Variants in LY86 observed in about 807,000 individuals in gnomAD.
LY86 encodes lymphocyte antigen 86.
Under a neutral mutation model 17.3 loss-of-function variants are expected in LY86, and 20 were observed. The observed-to-expected ratio is 1.15, with a 90% CI of 0.81 to 1.68. The LOEUF (loss-of-function observed/expected upper bound fraction) is 1.68. Among genes scored for constraint, LY86 ranks in the 40% most tolerant of loss-of-function variants. The probability of loss-of-function intolerance (pLI) is 0.00; values close to 1 mark genes in which losing one functional copy is unlikely to be tolerated. For missense variants in LY86, 200 were observed against 191.9 expected, an observed-to-expected ratio of 1.04 and a Z score of -0.25; for synonymous variants, 74 against 70.6, an observed-to-expected ratio of 1.05 and a Z score of -0.24.
intron 1 of LY86, among the ~76,000 whole-genome samples, chr6:6,606,477 C>CT (rs1761153248): frequency 1.3e-5 from 2 of 152,238 alleles, no homozygotes; most frequent in African/African-American, 4.8e-5. Context: ...ACCCGCACTC[C>CT]TCAGCCCTTG....
At chr6:6,611,285 A>T (rs565191898) in intron 1 of LY86, among the ~76,000 whole-genome samples, 1 of 152,210 alleles carries the variant, frequency 6.6e-6, no homozygotes, top group South Asian at 2.1e-4. Context: ...GAGTTGGTAG[A>T]AAAGAGCCTA....
At chr6:6,638,747 T>C (rs570791925) in intron 3 of LY86, among the ~76,000 whole-genome samples, 56 of 152,018 alleles carry the variant, frequency 3.7e-4, no homozygotes, top group Middle Eastern at 6.8e-3. Flanking sequence ...CATGCTGGTG[T>C]GCTGCACCCA....
intron 1 of LY86, among the ~76,000 whole-genome samples, chr6:6,603,624 A>AAC (rs1218205606): frequency 1.5e-5 from 2 of 135,840 alleles, no homozygotes; most frequent in African/African-American, 2.7e-5. Flanking sequence ...ACAAACAAAA[A>AAC]AAAACAAAAC....
intron 1 of LY86, among the ~76,000 whole-genome samples, chr6:6,617,765 T>C (rs2113130166): frequency 6.6e-6 from 1 of 152,334 alleles, no homozygotes; most frequent in East Asian, 1.9e-4. Flanking sequence ...TGTGGCGCCA[T>C]GGCACCCTCT....
intron 1 of LY86, among the ~76,000 whole-genome samples, chr6:6,590,094 G>A (rs934888007): frequency 7.2e-6 from 1 of 138,790 alleles, no homozygotes; most frequent in African/African-American, 2.8e-5. Context: ...CTCCAGCCTG[G>A]GCAAGAGGAG....
At chr6:6,642,797 C>G (rs1762058376) in intron 3 of LY86, among the ~76,000 whole-genome samples, 1 of 152,194 alleles carries the variant, frequency 6.6e-6, no homozygotes, top group Non-Finnish European at 1.5e-5. Context: ...TCGGGAAATA[C>G]CCAGAGGTAA....
rs537363781 is a variant in LY86 at position 6,630,011 on chromosome 6, T to C, written c.352+3590T>C. ...GTAGTCACTGTTGAATCCTATTGTATAAAATGTGTGTAAGTGTATACACAA... is the reference window on the plus strand; with the variant it reads ...GTAGTCACTGTTGAATCCTATTGTACAAAATGTGTGTAAGTGTATACACAA... On this transcript the variant is annotated intron_variant, in intron 3 of 4. Coordinates refer to ENST00000230568, the MANE Select transcript of LY86 (RefSeq NM_004271.4). 6.6e-5 allele frequency among the ~76,000 whole-genome samples: 10 copies of C among 152,360 alleles called. No individual in the cohort carries two copies. In the East Asian group the frequency reaches 1.4e-3, roughly 21 times the overall value.
intron 3 of LY86, among the ~76,000 whole-genome samples, chr6:6,649,085 T>C (rs903147564): frequency 6.6e-6 from 1 of 152,198 alleles, no homozygotes; most frequent in Admixed American, 6.5e-5. Flanking sequence ...TCCAGAGGGC[T>C]GGGGAGGCCT....
intron 1 of LY86, among the ~76,000 whole-genome samples, chr6:6,603,591 C>CAAAAAA (rs779324556): frequency 8.6e-5 from 2 of 23,376 alleles, no homozygotes; most frequent in African/African-American, 1.6e-4. Context: ...AAGCCAAAAA[C>CAAAAAA]AAAAACAGAA....
intron 4 of LY86, among the ~76,000 whole-genome samples, chr6:6,653,517 A>C (rs940756172): frequency 4.6e-5 from 7 of 152,080 alleles, no homozygotes; most frequent in Non-Finnish European, 1.0e-4. Context: ...GCAGCAAACA[A>C]AACCAGAATG....
chr6:6,613,788 T>C (rs1761472058), intron 1 of LY86, among the ~76,000 whole-genome samples: 1 of 152,220 alleles, frequency 6.6e-6, no homozygotes, highest in Admixed American at 6.5e-5. Context: ...GCTGCCAGCA[T>C]GCTGTCACCT....
chr6:6,606,297 A>C (rs980109633), intron 1 of LY86, among the ~76,000 whole-genome samples: 1 of 152,150 alleles, frequency 6.6e-6, no homozygotes, highest in Non-Finnish European at 1.5e-5. Context: ...CGATTGGTGC[A>C]TTCACAAACC....
At chr6:6,649,510 T>G in intron 3 of LY86, 115 bp from the exon 4 acceptor site, 1 of 646,688 alleles carries the variant, frequency 1.5e-6, no homozygotes, top group Admixed American at 3.0e-5. Flanking sequence ...TAGCAATAGC[T>G]GCTCTTATTT....
At chr6:6,589,454 C>A (rs143878384) in intron 1 of LY86, among the ~76,000 whole-genome samples, 1 of 152,198 alleles carries the variant, frequency 6.6e-6, no homozygotes, top group African/African-American at 2.4e-5. Context: ...ATATGCCAGG[C>A]CTGTCACCCC....
intron 1 of LY86, among the ~76,000 whole-genome samples, chr6:6,601,145 A>G (rs776034957): frequency 4.6e-5 from 7 of 152,116 alleles, no homozygotes; most frequent in Admixed American, 6.5e-5. Flanking sequence ...GTCAATAACA[A>G]AAACAATGAA....
At chr6:6,634,138 A>G (rs1474089926) in intron 3 of LY86, among the ~76,000 whole-genome samples, 1 of 152,262 alleles carries the variant, frequency 6.6e-6, no homozygotes, top group African/African-American at 2.4e-5. Context: ...ACTTCTCAGT[A>G]TGAGCAAAAT....
At chr6:6,616,247 C>T (rs949319924) in intron 1 of LY86, among the ~76,000 whole-genome samples, 3 of 152,120 alleles carry the variant, frequency 2.0e-5, no homozygotes, top group Admixed American at 6.6e-5. Flanking sequence ...GGGTCTTGTC[C>T]CTCTCTGTAA....
intron 1 of LY86, among the ~76,000 whole-genome samples, chr6:6,605,452 G>T (rs540629513): frequency 6.6e-6 from 1 of 152,198 alleles, no homozygotes; most frequent in Non-Finnish European, 1.5e-5. Flanking sequence ...CCACTCACAG[G>T]GCTGTTACTG....
chr6:6,616,050 T>A (rs1761546267), intron 1 of LY86, among the ~76,000 whole-genome samples: 1 of 152,246 alleles, frequency 6.6e-6, no homozygotes, highest in Admixed American at 6.5e-5. Flanking sequence ...TTATTAACTA[T>A]CTATTATGTG....
Sources: allele counts gnomAD v4.1 joint callset (sites outside exome capture counted in the v4.1 genomes callset), GRCh38; gene constraint gnomAD v4.1.1; transcripts MANE v1.5; gene names NCBI Gene and HGNC (gene_info 2026-07-23, HGNC 2026-07-21).